Variants in DLD observed in about 807,000 individuals in gnomAD.
The protein encoded by DLD is dihydrolipoyl dehydrogenase, mitochondrial.
Under a neutral mutation model 62.2 loss-of-function variants are expected in DLD, and 36 were observed. The observed-to-expected ratio is 0.58, with a 90% CI of 0.44 to 0.76. The LOEUF (loss-of-function observed/expected upper bound fraction) is 0.76. Ranked by LOEUF, DLD falls within the 30% of genes least tolerant of loss-of-function variation. The pLI is 0.00. For missense variants in DLD, 541 were observed against 608.6 expected, an observed-to-expected ratio of 0.89 and a Z score of 1.17; for synonymous variants, 204 against 199.6, an observed-to-expected ratio of 1.02 and a Z score of -0.19.
chr7:107,907,994 T>TA (rs2032048745), intron 8 of DLD, among the ~76,000 whole-genome samples: 1 of 152,248 alleles, frequency 6.6e-6, no homozygotes, highest in South Asian at 2.1e-4. Flanking sequence ...TATTTGGCAG[T>TA]AATTAGCATT....
At chr7:107,906,201 T>G in intron 7 of DLD, 66 bp from the exon 8 acceptor site, 1 of 980,144 alleles carries the variant, frequency 1.0e-6, no homozygotes, top group Non-Finnish European at 1.6e-6. Context: ...AACCCATGGA[T>G]ATGGAGGGTC....
chr7:107,901,655 GTTAT>G (rs1203033082), intron 2 of DLD, 79 bp from the exon 3 acceptor site: 3 of 1,117,130 alleles, frequency 2.7e-6, no homozygotes, highest in Non-Finnish European at 1.4e-6. Flanking sequence ...TAAGTATCGG[GTTAT>G]TTGTTTGCTC....
intron 8 of DLD, among the ~76,000 whole-genome samples, chr7:107,915,077 A>G (rs1006923784): frequency 6.6e-6 from 1 of 152,226 alleles, no homozygotes; most frequent in Admixed American, 6.5e-5. Flanking sequence ...TGTCACTCCC[A>G]GTGAGGCTTT....
intron 8 of DLD, among the ~76,000 whole-genome samples, chr7:107,912,425 TACTA>T (rs2032165515): frequency 6.6e-6 from 1 of 152,150 alleles, no homozygotes; most frequent in African/African-American, 2.4e-5. Context: ...ACAGTGGCTG[TACTA>T]ACTTACATTC....
At chr7:107,914,081 C>G (rs1380355087) in intron 8 of DLD, among the ~76,000 whole-genome samples, 1 of 152,100 alleles carries the variant, frequency 6.6e-6, no homozygotes, top group African/African-American at 2.4e-5. Flanking sequence ...CCTGCTTGAT[C>G]ATGGTGAATG....
chr7:107,892,184 A>G (rs891534752), intron 1 of DLD, among the ~76,000 whole-genome samples: 1 of 152,142 alleles, frequency 6.6e-6, no homozygotes, highest in African/African-American at 2.4e-5. Flanking sequence ...AGGTTTTGTC[A>G]CTGCCGCCCA....
Position 107,891,208 on chromosome 7 carries a change from G to A in DLD, c.-43G>A. On this transcript the variant is annotated 5_prime_UTR_variant, in exon 1 of 14. Coordinates refer to ENST00000205402, the MANE Select transcript of DLD (RefSeq NM_000108.5). ...CTTGGCGGAGCGGCGGAGGCGCCCA[G>A]CGGAGGTGAAAGTATTGGCGGAAAG... is the stretch of plus-strand genomic sequence containing the variant. The A allele has an allele frequency of 1.2e-6, 2 of 1,613,140 alleles. No homozygotes were observed. The highest frequency in any genetic ancestry group is 1.3e-5 in the African/African-American group (1 of 75,056).
chr7:107,901,176 A>G (rs1171946278), intron 2 of DLD, among the ~76,000 whole-genome samples: 7 of 152,174 alleles, frequency 4.6e-5, no homozygotes, highest in African/African-American at 1.7e-4. Flanking sequence ...GAAGTTAAGG[A>G]CCTGAAAAAG....
intron 2 of DLD, 176 bp downstream of exon 2, chr7:107,893,454 G>A (rs2031642027): frequency 8.6e-6 from 4 of 463,520 alleles, no homozygotes; most frequent in Non-Finnish European, 1.5e-5. Context: ...CGGTGAACAA[G>A]GTAAAAAAAC....
chr7:107,903,169 C>T (rs185913956), intron 4 of DLD, among the ~76,000 whole-genome samples: 2 of 152,048 alleles, frequency 1.3e-5, no homozygotes, highest in African/African-American at 4.8e-5. Context: ...GAGGCCGAGG[C>T]GGGTGGATCA....
intron 2 of DLD, among the ~76,000 whole-genome samples, chr7:107,899,767 T>G (rs572242161): frequency 3.9e-5 from 6 of 152,082 alleles, no homozygotes; most frequent in Admixed American, 6.5e-5. Flanking sequence ...CAGTTCTCTC[T>G]GGGCTGTATG....
At chr7:107,892,659 C>T (rs893172557) in intron 1 of DLD, among the ~76,000 whole-genome samples, 6 of 152,168 alleles carry the variant, frequency 3.9e-5, no homozygotes, top group African/African-American at 7.2e-5. Flanking sequence ...GATTCTCCTG[C>T]CTTGGCCTCC....
intron 2 of DLD, among the ~76,000 whole-genome samples, chr7:107,900,220 A>T (rs1350856946): frequency 6.6e-6 from 1 of 152,126 alleles, no homozygotes; most frequent in Non-Finnish European, 1.5e-5. Context: ...TGGGCTGAGT[A>T]ACTTAGTTAT....
chr7:107,914,488 T>G (rs2116259612), intron 8 of DLD, among the ~76,000 whole-genome samples: 2 of 152,316 alleles, frequency 1.3e-5, no homozygotes, highest in South Asian at 4.1e-4. Flanking sequence ...GGTGTTCTTC[T>G]GGAAGTTTCA....
At chr7:107,911,816 C>T (rs113007312) in intron 8 of DLD, among the ~76,000 whole-genome samples, 1 of 151,894 alleles carries the variant, frequency 6.6e-6, no homozygotes, top group East Asian at 1.9e-4. Context: ...TCACCTCGAA[C>T]ATTTTTTTAA....
intron 2 of DLD, among the ~76,000 whole-genome samples, chr7:107,900,501 G>A (rs1584461239): frequency 6.6e-6 from 1 of 152,048 alleles, no homozygotes; most frequent in East Asian, 1.9e-4. Context: ...TGGAAACAAA[G>A]ATGAAGCAGG....
chr7:107,901,413 A>T, intron 2 of DLD, among the ~76,000 whole-genome samples: 1 of 152,292 alleles, frequency 6.6e-6, no homozygotes, highest in Middle Eastern at 3.4e-3. Context: ...GTCTTCCAGT[A>T]TCACTAAATT....
intron 4 of DLD, 94 bp downstream of exon 4, chr7:107,902,487 A>G: frequency 9.4e-7 from 1 of 1,065,302 alleles, no homozygotes; most frequent in Non-Finnish European, 1.5e-6. Context: ...TACACTTGTT[A>G]AAAAACAATC....
At chr7:107,909,839 C>CTTTTTTT (rs71134292) in intron 8 of DLD, among the ~76,000 whole-genome samples, 4 of 73,050 alleles carry the variant, frequency 5.5e-5, no homozygotes, top group Non-Finnish European at 9.3e-5. Context: ...GGAGAATTAA[C>CTTTTTTT]TTTTTTTTTT....
Sources: allele counts gnomAD v4.1 joint callset (sites outside exome capture counted in the v4.1 genomes callset), GRCh38; gene constraint gnomAD v4.1.1; transcripts MANE v1.5; gene names NCBI Gene and HGNC (gene_info 2026-07-23, HGNC 2026-07-21).